Variants in NME7 observed in about 807,000 individuals in gnomAD.
NME7 encodes the protein NME/NM23 family member 7.
NME7 carries 41 observed loss-of-function variants against 49.1 expected under a neutral mutation model. The ratio of observed to expected loss-of-function variants is 0.83; its 90% CI spans 0.65 to 1.08. The LOEUF (loss-of-function observed/expected upper bound fraction) is 1.08, where lower values mean the gene tolerates loss of function less well. Among genes scored for constraint, NME7 ranks in the 50% least tolerant of loss-of-function variants. NME7 has a pLI of 0.00. For missense variants in NME7, 423 were observed against 463.4 expected (o/e 0.91, Z 0.80); for synonymous variants, 139 against 150.6 (o/e 0.92, Z 0.56).
At chr1:169,354,721 T>C (rs572529420) in intron 1 of NME7, among the ~76,000 whole-genome samples, 1 of 144,008 alleles carries the variant, frequency 6.9e-6, no homozygotes, top group Non-Finnish European at 1.5e-5. Flanking sequence ...TACATATATA[T>C]ATACACACAT....
At chr1:169,228,077 T>C (rs1647420121) in intron 10 of NME7, among the ~76,000 whole-genome samples, 1 of 147,498 alleles carries the variant, frequency 6.8e-6, no homozygotes. Flanking sequence ...CACACATATA[T>C]ACGTGTAATT....
Position 169,132,824 on chromosome 1 carries a change from C to T in NME7, c.1099-7G>A, listed in dbSNP as rs781586402. The T allele has an allele frequency of 2.5e-5, 41 of 1,612,550 alleles. No individual in the cohort carries two copies. Among genetic ancestry groups the T allele is most frequent in the African/African-American group, 1.5e-4 (11 of 74,812 alleles). On this transcript the variant is annotated splice_region_variant and splice_polypyrimidine_tract_variant and intron_variant, in intron 11 of 11. Transcript: ENST00000367811. ...TCTTGAAGAAGTATTGAACCTGAAA[C>T]GGAGAAACACATAATTTCTTAGTTC... is the stretch of plus-strand genomic sequence containing the variant.
In NME7 at chr1:169,282,542, G is replaced by A. The variant is rs1650065279; in HGVS notation, c.754+4761C>T. Among the ~76,000 whole-genome samples the A allele has an allele frequency of 2.0e-5, 3 of 151,978 alleles. No individual in the cohort carries two copies. In the South Asian group the frequency reaches 6.2e-4, roughly 32 times the overall value. On this transcript the variant is annotated intron_variant, in intron 7 of 11. Transcript: ENST00000367811. ...TCTAGTTCTTTCAATTTTGATGTTA[G>A]GGTATCAATTTTAGATCTTTCCTGC...
At chr1:169,188,307 T>C (rs1362501555) in intron 10 of NME7, among the ~76,000 whole-genome samples, 1 of 152,216 alleles carries the variant, frequency 6.6e-6, no homozygotes, top group Non-Finnish European at 1.5e-5. Context: ...TTTTATTTCA[T>C]GGCATAGGGC....
chr1:169,340,634 A>G (rs1046870060), intron 1 of NME7, among the ~76,000 whole-genome samples: 1 of 152,220 alleles, frequency 6.6e-6, no homozygotes, highest in Non-Finnish European at 1.5e-5. Context: ...GAATTGTTGA[A>G]TGGTTTTGAC....
rs180708199 is a variant in NME7 at position 169,355,269 on chromosome 1, T to C, written c.3+12439A>G. 5.5e-4 allele frequency among the ~76,000 whole-genome samples: 24 copies of C among 43,680 alleles called. 1 individual carries two copies. Among genetic ancestry groups the C allele is most frequent in the African/African-American group, 1.3e-3 (21 of 16,104 alleles). 28.7% of individuals were successfully genotyped at this position (43,680 alleles called of 152,430 possible). Reference sequence around the variant, plus strand: ...ATATATTATATCTATATATAATATATTGTATATTATATATAATATATTGTA... The same window carrying C: ...ATATATTATATCTATATATAATATACTGTATATTATATATAATATATTGTA... On this transcript the variant is annotated intron_variant, in intron 1 of 11. Transcript: ENST00000367811.
At chr1:169,253,505 C>A (rs1204885498) in intron 7 of NME7, among the ~76,000 whole-genome samples, 1 of 152,084 alleles carries the variant, frequency 6.6e-6, no homozygotes, top group Non-Finnish European at 1.5e-5. Flanking sequence ...ATGTCGCCTG[C>A]AAACAGGGAC....
intron 10 of NME7, among the ~76,000 whole-genome samples, chr1:169,184,007 T>A (rs1200268490): frequency 6.6e-6 from 1 of 152,124 alleles, no homozygotes; most frequent in Non-Finnish European, 1.5e-5. Context: ...ATAGCTTTTT[T>A]GAAAAGAAAA....
At chr1:169,168,295 C>T (rs1209511340) in intron 11 of NME7, among the ~76,000 whole-genome samples, 1 of 152,158 alleles carries the variant, frequency 6.6e-6, no homozygotes, top group African/African-American at 2.4e-5. Flanking sequence ...TAAAACTTGC[C>T]TCAGTCTCTC....
At chr1:169,231,259 T>C (rs565455605) in intron 9 of NME7, among the ~76,000 whole-genome samples, 12 of 152,180 alleles carry the variant, frequency 7.9e-5, no homozygotes, top group Admixed American at 5.9e-4. Flanking sequence ...ATCTAGAAAC[T>C]AGATAAAATA....
intron 11 of NME7, among the ~76,000 whole-genome samples, chr1:169,163,993 CCAG>C (rs1659326663): frequency 6.6e-6 from 1 of 151,736 alleles, no homozygotes; most frequent in Non-Finnish European, 1.5e-5. Flanking sequence ...ACCTGTAGTC[CCAG>C]CTACTCGGGA....
At chr1:169,190,230 G>A (rs1660179657) in intron 10 of NME7, among the ~76,000 whole-genome samples, 1 of 151,990 alleles carries the variant, frequency 6.6e-6, no homozygotes, top group African/African-American at 2.4e-5. Context: ...GGAATGGTTA[G>A]TTAATCCATA....
chr1:169,327,734 A>G (rs912564282), intron 1 of NME7, among the ~76,000 whole-genome samples: 2 of 152,214 alleles, frequency 1.3e-5, no homozygotes, highest in African/African-American at 4.8e-5. Context: ...ATTGACCAAT[A>G]TTGGAATTGC....
At chr1:169,326,976 T>C (rs147410780) in intron 1 of NME7, among the ~76,000 whole-genome samples, 240 of 152,324 alleles carry the variant, frequency 1.6e-3, no homozygotes, top group Middle Eastern at 3.4e-3. Context: ...CTATATATCA[T>C]TTTGTTTTAA....
rs1307578874 is a variant in NME7, at chr1:169,255,454, T to A, written c.755-17767A>T. Among the ~76,000 whole-genome samples, 6 of 116,576 alleles carry A rather than the reference T, an allele frequency of 5.1e-5. No individual in the cohort carries two copies. In the South Asian group the frequency reaches 8.5e-4, roughly 17 times the overall value. The allele number at this position is 116,576 out of a possible 152,430, so 76.5% of individuals were successfully genotyped here. ...CATCCTTTTATTTTGAGCCTATGTG[T>A]GTCTCTGCACGTGAGATGGGTTTCC... On this transcript the variant is annotated intron_variant, in intron 7 of 11. Coordinates refer to ENST00000367811, the MANE Select transcript of NME7 (RefSeq NM_013330.5).
intron 1 of NME7, among the ~76,000 whole-genome samples, chr1:169,360,171 G>A (rs947862278): frequency 2.0e-5 from 3 of 152,108 alleles, no homozygotes; most frequent in African/African-American, 7.2e-5. Context: ...TCTGGAATAT[G>A]TAGCTCTGCT....
chr1:169,351,295 T>C (rs1653162402), intron 1 of NME7, among the ~76,000 whole-genome samples: 1 of 152,070 alleles, frequency 6.6e-6, no homozygotes, highest in Admixed American at 6.6e-5. Flanking sequence ...TCTAAGACTT[T>C]ATGACTTGAA....
chr1:169,186,370 A>G (rs910944261), intron 10 of NME7, among the ~76,000 whole-genome samples: 1 of 152,134 alleles, frequency 6.6e-6, no homozygotes, highest in African/African-American at 2.4e-5. Context: ...TGAATGCTCT[A>G]TTGCTCTGAG....
chr1:169,358,926 G>A (rs918639175), intron 1 of NME7, among the ~76,000 whole-genome samples: 41 of 151,992 alleles, frequency 2.7e-4, no homozygotes, highest in African/African-American at 9.2e-4. Context: ...TTTATTGTAA[G>A]GAAATAATTA....
Sources: allele counts gnomAD v4.1 joint callset (sites outside exome capture counted in the v4.1 genomes callset), GRCh38; gene constraint gnomAD v4.1.1; transcripts MANE v1.5; gene names NCBI Gene and HGNC (gene_info 2026-07-23, HGNC 2026-07-21).